DPYSL5: variants seen among roughly 807,000 people sequenced by gnomAD.
DPYSL5 encodes the protein dihydropyrimidinase-related protein 5.
A neutral mutation model predicts 58.4 loss-of-function variants in DPYSL5; 9 were observed. The observed-to-expected ratio is 0.15, with a 90% CI of 0.09 to 0.27. DPYSL5 has a LOEUF of 0.27. Among genes scored for constraint, DPYSL5 ranks in the 10% least tolerant of loss-of-function variants. The pLI, the probability that DPYSL5 is intolerant of heterozygous loss-of-function variation, is 1.00. For missense variants in DPYSL5, 499 were observed against 770.6 expected (o/e 0.65, Z 4.17); for synonymous variants, 293 against 301.9 (o/e 0.97, Z 0.31).
intron 1 of DPYSL5, among the ~76,000 whole-genome samples, chr2:26,865,574 A>G (rs1666121356): frequency 1.3e-5 from 2 of 151,886 alleles, no homozygotes; most frequent in Admixed American, 1.3e-4. Context: ...TGGCCTCCCA[A>G]GGTGCTAGTA....
rs1328344637 is a variant in DPYSL5 at position 26,905,872 on chromosome 2, A to T, written c.261+7112A>T. Among the ~76,000 whole-genome samples the T allele has an allele frequency of 6.6e-6, 1 of 152,226 alleles. No individual in the cohort carries two copies. The highest frequency in any genetic ancestry group is 1.5e-5 in the Non-Finnish European group (1 of 68,036). The stretch of plus-strand genomic sequence containing the variant: ...CTGTAGGTAGAAATCTGGGCACAGC[A>T]TGACTAGGTCTTCGGCTCAGAGCCT... On this transcript the variant is annotated intron_variant, in intron 2 of 12. Transcript: ENST00000288699. The surrounding 1 kb of genome is among the most constrained non-coding windows in gnomAD (Gnocchi z 4.0).
Position 26,940,038 on chromosome 2 carries a change from C to T in DPYSL5, c.955C>T (p.Leu319=). Residue 319 remains leucine, a synonymous_variant, in exon 9 of 13, where the codon CTG becomes TTG. Transcript: ENST00000288699. ...YLMSLLANDT[L]NIVASDHRPF... The stretch of plus-strand genomic sequence containing the variant: ...CTCCTTTTCTCTACCCAGTGACACT[C>T]TGAACATCGTGGCATCAGATCACCG... 6.2e-7 allele frequency: 1 copy of T among 1,614,192 alleles called. No individual in the cohort carries two copies. Among genetic ancestry groups the T allele is most frequent in the Non-Finnish European group, 8.5e-7 (1 of 1,180,040 alleles).
rs1437510272 is a variant in DPYSL5, at chr2:26,882,053, T to C, written c.-4-16443T>C. ...TTGCAGTGAGCCGAGATCACACCAC[T>C]GCACTCCAGCCTGGGTGATAGAGCG... On this transcript the variant is annotated intron_variant, in intron 1 of 12. Transcript: ENST00000288699. Among the ~76,000 whole-genome samples the C allele has an allele frequency of 8.5e-5, 11 of 129,234 alleles. No individual in the cohort carries two copies. The South Asian group carries it at 2.7e-3, about 32-fold the overall frequency. The allele number at this position is 129,234 out of a possible 152,430, so 84.8% of individuals were successfully genotyped here.
chr2:26,932,417 G>A (rs1199356451), intron 6 of DPYSL5, among the ~76,000 whole-genome samples: 1 of 152,174 alleles, frequency 6.6e-6, no homozygotes, highest in African/African-American at 2.4e-5. Flanking sequence ...CATTGCTCAC[G>A]TGTAAACTCA....
intron 5 of DPYSL5, among the ~76,000 whole-genome samples, chr2:26,929,781 C>T (rs537750068): frequency 6.6e-6 from 1 of 152,344 alleles, no homozygotes; most frequent in South Asian, 2.1e-4. Flanking sequence ...TGGCTTTATC[C>T]CTGTGCACAG....
Position 26,927,173 on chromosome 2 carries a change from C to T in DPYSL5, c.421-80C>T. ...GAGCTGGGGCAGGCCCCACATCTCC[C>T]CCATGCTGGGCCGGTGCCTGCCAGT... On this transcript the variant is annotated intron_variant, in intron 3 of 12. Transcript: ENST00000288699. The surrounding 1 kb of genome is among the most constrained non-coding windows in gnomAD (Gnocchi z 4.3). 6.9e-7 allele frequency: 1 copy of T among 1,442,244 alleles called. No individual in the cohort carries two copies. The highest frequency in any genetic ancestry group is 2.5e-5 in the East Asian group (1 of 40,502). The allele number at this position is 1,442,244 out of a possible 1,614,324, so 89.3% of individuals were successfully genotyped here.
chr2:26,862,509 C>T (rs1166711716), intron 1 of DPYSL5, among the ~76,000 whole-genome samples: 1 of 152,164 alleles, frequency 6.6e-6, no homozygotes, highest in Non-Finnish European at 1.5e-5. Context: ...AGGTATGGTC[C>T]CCCAAGCTAT....
chr2:26,940,618 A>G (rs2148174806), intron 9 of DPYSL5, among the ~76,000 whole-genome samples: 1 of 151,764 alleles, frequency 6.6e-6, no homozygotes, highest in South Asian at 2.1e-4. Flanking sequence ...GTGAGCCACC[A>G]CACCCAGCTA....
At chr2:26,857,066 A>G (rs1405832457) in intron 1 of DPYSL5, among the ~76,000 whole-genome samples, 2 of 151,554 alleles carry the variant, frequency 1.3e-5, no homozygotes, top group Non-Finnish European at 2.9e-5. Flanking sequence ...TTCTTAACTC[A>G]TGTTTCTTGA....
chr2:26,888,664 T>C (rs1663790896), intron 1 of DPYSL5, among the ~76,000 whole-genome samples: 1 of 152,160 alleles, frequency 6.6e-6, no homozygotes, highest in Non-Finnish European at 1.5e-5. Context: ...AATTCTGTTG[T>C]TTGCATAGAT....
At chr2:26,864,515 G>T (rs562737690) in intron 1 of DPYSL5, among the ~76,000 whole-genome samples, 2 of 152,202 alleles carry the variant, frequency 1.3e-5, no homozygotes, top group Admixed American at 1.3e-4. Flanking sequence ...TAAGTACCAC[G>T]GAAAGGAAAA....
intron 1 of DPYSL5, among the ~76,000 whole-genome samples, chr2:26,850,578 TG>T (rs33997147): frequency 0.081 from 12,281 of 152,162 alleles, 1,361 homozygotes; most frequent in African/African-American, 0.25. Context: ...GTTCCCAGAC[TG>T]GGCGATACTT....
chr2:26,930,930 C>T (rs1297095184), intron 5 of DPYSL5, among the ~76,000 whole-genome samples: 3 of 149,636 alleles, frequency 2.0e-5, no homozygotes, highest in Admixed American at 6.7e-5. Flanking sequence ...GCCAAGATTG[C>T]GCCACTGCAC....
chr2:26,862,056 G>A (rs1666030217), intron 1 of DPYSL5, among the ~76,000 whole-genome samples: 1 of 145,026 alleles, frequency 6.9e-6, no homozygotes, highest in African/African-American at 2.4e-5. Context: ...CAATGTGACT[G>A]AGTGTGGAAA....
chr2:26,936,831 A>G (rs1315614044), intron 8 of DPYSL5, among the ~76,000 whole-genome samples: 2 of 151,614 alleles, frequency 1.3e-5, no homozygotes, highest in African/African-American at 2.4e-5. Flanking sequence ...CTGTAATCCC[A>G]GCTACTCCAG....
rs756913738 is a variant in DPYSL5 at position 26,942,603 on chromosome 2, C to T, written c.1293C>T (p.Arg431=). The T allele has an allele frequency of 6.2e-7, 1 of 1,614,156 alleles. No homozygotes were observed. Among genetic ancestry groups the T allele is most frequent in the Non-Finnish European group, 8.5e-7 (1 of 1,180,038 alleles). The change falls in exon 11 of 13, where the codon CGC becomes CGT. Residue 431 remains arginine (R), a synonymous_variant. Coordinates refer to ENST00000288699, the MANE Select transcript of DPYSL5 (RefSeq NM_020134.4). The surrounding 1 kb of genome is among the most constrained non-coding windows in gnomAD (Gnocchi z 5.9). The part of the protein sequence containing the change: ...GGDFNLYENM[R]CHGVPLVTIS... ...ACTTCAACCTGTATGAGAACATGCG[C>T]TGCCACGGCGTGCCACTGGTCACCA...
chr2:26,926,094 G>A (rs1019173434), intron 3 of DPYSL5, among the ~76,000 whole-genome samples: 62 of 152,314 alleles, frequency 4.1e-4, no homozygotes, highest in African/African-American at 1.5e-3. Context: ...TTCAGTTGCA[G>A]GCCCTGGTAT....
rs1665277209 is a variant in DPYSL5, at chr2:26,940,080, C to T, written c.997C>T (p.Gln333Ter). The change falls in exon 9 of 13, where the codon CAG becomes TAG. Residue 333 changes from glutamine to a stop codon, truncating the protein, a stop_gained. Transcript: ENST00000288699. LOFTEE classifies it high-confidence loss of function. ...ASDHRPFTTK[Q>*]KAMGKEDFTK... Reference sequence around the variant, plus strand: ...AGATCACCGGCCTTTCACCACAAAGCAGAAAGCTATGGGCAAGGAAGACTT... The same window carrying T: ...AGATCACCGGCCTTTCACCACAAAGTAGAAAGCTATGGGCAAGGAAGACTT... The T allele has an allele frequency of 6.2e-7, 1 of 1,614,072 alleles. No homozygotes were observed. The highest frequency in any genetic ancestry group is 8.5e-7 in the Non-Finnish European group (1 of 1,180,042).
At chr2:26,910,598 T>G (rs1405647062) in intron 2 of DPYSL5, among the ~76,000 whole-genome samples, 1 of 150,534 alleles carries the variant, frequency 6.6e-6, no homozygotes, top group Non-Finnish European at 1.5e-5. Context: ...TTGTTTTCTT[T>G]TTTTCTTTCT....
Sources: allele counts gnomAD v4.1 joint callset (sites outside exome capture counted in the v4.1 genomes callset), GRCh38; gene constraint gnomAD v4.1.1; non-coding constraint Gnocchi (gnomAD v3.1); transcripts MANE v1.5; gene names NCBI Gene and HGNC (gene_info 2026-07-23, HGNC 2026-07-21).